The following AGTPBP1 variants were observed in gnomAD, a reference collection of about 807,000 sequenced individuals.
The protein encoded by AGTPBP1 is cytosolic carboxypeptidase 1.
A neutral mutation model predicts 143.9 loss-of-function variants in AGTPBP1; 70 were observed. The ratio of observed to expected loss-of-function variants is 0.49; its 90% CI spans 0.40 to 0.59. The LOEUF (loss-of-function observed/expected upper bound fraction) is 0.59. Ranked by LOEUF, AGTPBP1 falls within the 20% of genes least tolerant of loss-of-function variation. The probability of loss-of-function intolerance (pLI) is 0.00; values close to 1 mark genes in which losing one functional copy is unlikely to be tolerated. For missense variants in AGTPBP1, 1,229 were observed against 1,464.5 expected (o/e 0.84, Z 2.62); for synonymous variants, 463 against 500.2 (o/e 0.93, Z 0.99).
intron 14 of AGTPBP1, among the ~76,000 whole-genome samples, chr9:85,630,489 T>G (rs141952255): frequency 5.1e-3 from 746 of 145,648 alleles, no homozygotes; most frequent in Non-Finnish European, 9.0e-3. Flanking sequence ...ATTGATTGAT[T>G]GATTGATTGA....
chr9:85,549,468 T>C (rs1036990910), intron 25 of AGTPBP1, among the ~76,000 whole-genome samples: 1 of 152,236 alleles, frequency 6.6e-6, no homozygotes, highest in Non-Finnish European at 1.5e-5. Context: ...GTGAAACTGG[T>C]TGCTGGGAGC....
At chr9:85,799,380 G>A in the AGTPBP1 span, among the ~76,000 whole-genome samples, 3 of 152,068 alleles carry the variant, frequency 2.0e-5, no homozygotes, top group Non-Finnish European at 4.4e-5. Context: ...GGTATATCTA[G>A]TTCTAGATCC....
At chr9:85,687,982 C>T (rs1835591158) in intron 3 of AGTPBP1, among the ~76,000 whole-genome samples, 1 of 149,678 alleles carries the variant, frequency 6.7e-6, no homozygotes, top group Non-Finnish European at 1.5e-5. Context: ...TCCAGCTACT[C>T]AGGGGGCTGA....
chr9:85,794,581 G>A, the AGTPBP1 span, among the ~76,000 whole-genome samples: 1 of 152,154 alleles, frequency 6.6e-6, no homozygotes, highest in African/African-American at 2.4e-5. Context: ...GTCGAAGTGT[G>A]AATCCATGAA....
chr9:85,733,886 C>G (rs566465929), intron 1 of AGTPBP1, among the ~76,000 whole-genome samples: 20 of 152,208 alleles, frequency 1.3e-4, no homozygotes, highest in Admixed American at 4.6e-4. Flanking sequence ...CAAAACCTAC[C>G]AAGCCTGAAC....
At chr9:85,766,376 C>A in the AGTPBP1 span, among the ~76,000 whole-genome samples, 1 of 152,086 alleles carries the variant, frequency 6.6e-6, no homozygotes, top group Non-Finnish European at 1.5e-5. Flanking sequence ...ACATGATATG[C>A]ACTGGCAGAT....
rs549782525 is a variant in AGTPBP1 at position 85,641,860 on chromosome 9, G to A, written c.1302+967C>T. 2.2e-4 allele frequency among the ~76,000 whole-genome samples: 34 copies of A among 151,914 alleles called. No individual in the cohort carries two copies. The South Asian group carries it at 2.5e-3, about 11-fold the overall frequency. On this transcript the variant is annotated intron_variant, in intron 13 of 25. Transcript: ENST00000357081. ...ACTACAGGTGTGTCTCATCACGCCC[G>A]GCTAATTTTCTTATTTTTAGAAGAA...
intron 25 of AGTPBP1, among the ~76,000 whole-genome samples, chr9:85,566,238 A>C (rs529228495): frequency 6.6e-6 from 1 of 152,218 alleles, no homozygotes; most frequent in African/African-American, 2.4e-5. Context: ...TTGGTATTGA[A>C]GCCAGGCACA....
chr9:85,781,163 A>G, the AGTPBP1 span: 1 of 1,470,640 alleles, frequency 6.8e-7, no homozygotes, highest in Admixed American at 2.6e-5. Flanking sequence ...TGCATCATTT[A>G]TTTAAAACTG....
chr9:85,581,945 T>C (rs1048171587), intron 23 of AGTPBP1, among the ~76,000 whole-genome samples: 1 of 152,118 alleles, frequency 6.6e-6, no homozygotes, highest in South Asian at 2.1e-4. Context: ...CCAGCAAATA[T>C]AATACAAATA....
At chr9:85,549,064 A>C (rs1825891077) in intron 25 of AGTPBP1, among the ~76,000 whole-genome samples, 1 of 152,256 alleles carries the variant, frequency 6.6e-6, no homozygotes, top group South Asian at 2.1e-4. Context: ...AAATTCTCAG[A>C]GGAGTCCCAG....
At chr9:85,655,027 T>A (rs1833408483) in intron 11 of AGTPBP1, 116 bp downstream of exon 11, 1 of 890,596 alleles carries the variant, frequency 1.1e-6, no homozygotes, top group Admixed American at 3.5e-5. Flanking sequence ...TGTGAATGTT[T>A]ATCACGTTAA....
chr9:85,746,131 A>G (rs920664630), upstream of AGTPBP1, among the ~76,000 whole-genome samples: 2 of 152,096 alleles, frequency 1.3e-5, no homozygotes, highest in Admixed American at 6.5e-5. Context: ...GCCCCCACAC[A>G]GTATATAGAC....
intron 11 of AGTPBP1, among the ~76,000 whole-genome samples, chr9:85,650,063 T>TC (rs398011316): frequency 6.8e-6 from 1 of 146,178 alleles, no homozygotes; most frequent in Non-Finnish European, 1.5e-5. Flanking sequence ...TTTTTTTTTT[T>TC]CTTGCTCTGG....
intron 25 of AGTPBP1, among the ~76,000 whole-genome samples, chr9:85,574,840 C>CT (rs1167824321): frequency 6.6e-6 from 1 of 152,074 alleles, no homozygotes; most frequent in Non-Finnish European, 1.5e-5. Flanking sequence ...TCCCAAGTAG[C>CT]TGGGATTACA....
chr9:85,732,210 C>CTTT (rs144655182), intron 1 of AGTPBP1, among the ~76,000 whole-genome samples: 121 of 120,976 alleles, frequency 1.0e-3, no homozygotes, highest in South Asian at 3.6e-3. Flanking sequence ...GACTATGACC[C>CTTT]TTTTTTTTTT....
At chr9:85,761,955 G>A in the AGTPBP1 span, among the ~76,000 whole-genome samples, 1 of 152,192 alleles carries the variant, frequency 6.6e-6, no homozygotes, top group Non-Finnish European at 1.5e-5. Flanking sequence ...CAACAAGTGG[G>A]TGAAGGATAT....
chr9:85,625,904 G>GTTTTTTTT (rs368474275), intron 14 of AGTPBP1, among the ~76,000 whole-genome samples: 11 of 105,718 alleles, frequency 1.0e-4, no homozygotes, highest in Non-Finnish European at 1.4e-4. Flanking sequence ...ACCTAGTTTT[G>GTTTTTTTT]TTTTTTTTTT....
chr9:85,712,221 G>A (rs1196620683), intron 2 of AGTPBP1, among the ~76,000 whole-genome samples: 1 of 152,000 alleles, frequency 6.6e-6, no homozygotes, highest in African/African-American at 2.4e-5. Context: ...CCGAGATCGT[G>A]CCACTGCACT....
Sources: allele counts gnomAD v4.1 joint callset (sites outside exome capture counted in the v4.1 genomes callset), GRCh38; gene constraint gnomAD v4.1.1; transcripts MANE v1.5; gene names NCBI Gene and HGNC (gene_info 2026-07-23, HGNC 2026-07-21).